Variants in ANKRD62 observed in about 807,000 individuals in gnomAD.
ANKRD62 encodes the protein ankyrin repeat domain-containing protein 62.
A neutral mutation model predicts 98.8 loss-of-function variants in ANKRD62; 61 were observed. The ratio of observed to expected loss-of-function variants is 0.62; its 90% CI spans 0.50 to 0.76. The LOEUF is 0.76. Ranked by LOEUF, ANKRD62 falls within the 30% of genes least tolerant of loss-of-function variation. The probability of loss-of-function intolerance (pLI) is 0.00; values close to 1 mark genes in which losing one functional copy is unlikely to be tolerated. For synonymous variants in ANKRD62, 341 were observed against 367.9 expected (o/e 0.93, Z 0.84); for missense variants, 933 against 1,082.9 (o/e 0.86, Z 1.94).
At chr18:12,167,236 T>C in the ANKRD62 span, among the ~76,000 whole-genome samples, 1 of 151,992 alleles carries the variant, frequency 6.6e-6, no homozygotes. Context: ...GCTGCACCCA[T>C]TAGCTCATCA....
chr18:12,119,933 A>G (rs137952989), intron 10 of ANKRD62, among the ~76,000 whole-genome samples: 1,765 of 152,058 alleles, frequency 0.012, 16 homozygotes, highest in African/African-American at 0.019. Context: ...TTCTTTTTTC[A>G]TCATCTCTTT....
the ANKRD62 span, among the ~76,000 whole-genome samples, chr18:12,164,997 C>T: frequency 1.3e-5 from 2 of 151,910 alleles, no homozygotes; most frequent in Non-Finnish European, 2.9e-5. Context: ...CCATTGTATC[C>T]TCTTGCTGAA....
intron 8 of ANKRD62, among the ~76,000 whole-genome samples, chr18:12,111,761 A>G (rs1486435926): frequency 6.6e-6 from 1 of 152,178 alleles, no homozygotes; most frequent in Non-Finnish European, 1.5e-5. Flanking sequence ...ATAGACCAAC[A>G]ATAGTGAAGA....
intron 8 of ANKRD62, among the ~76,000 whole-genome samples, 172 bp from the exon 9 acceptor site, chr18:12,114,916 C>G (rs1292607201): frequency 6.6e-6 from 1 of 151,392 alleles, no homozygotes; most frequent in Non-Finnish European, 1.5e-5. Context: ...AGTTTTTCCC[C>G]TTGTAAAAAA....
chr18:12,155,255 T>C, the ANKRD62 span, among the ~76,000 whole-genome samples: 2 of 152,258 alleles, frequency 1.3e-5, no homozygotes, highest in Non-Finnish European at 2.9e-5. Flanking sequence ...GAAAACTTAA[T>C]ATAAATTTGT....
At chr18:12,113,423 T>G (rs113307737) in intron 8 of ANKRD62, among the ~76,000 whole-genome samples, 1 of 152,216 alleles carries the variant, frequency 6.6e-6, no homozygotes, top group East Asian at 1.9e-4. Context: ...GTCAGGAGTT[T>G]GAGACCAGCC....
Position 12,125,958 on chromosome 18 carries a change from T to G in ANKRD62, c.2137T>G (p.Ser713Ala). Residue 713 changes from serine (S) to alanine (A), a missense_variant, in exon 13 of 14, where the codon TCC (serine) becomes GCC (alanine). Physicochemically the swap from Ser to Ala is moderately conservative, Grantham distance 99. This residue lies in a region of ANKRD62 where 362 missense variants were observed against 434.5 expected (regional missense o/e 0.83). Coordinates refer to ENST00000587848, the MANE Select transcript of ANKRD62 (RefSeq NM_001277333.2). ...SQQLSKAEST[S>A]SGLETELHYE... Reference sequence around the variant, plus strand: ...GCAACTTTCTAAAGCTGAGAGTACATCCAGTGGCCTGGAAACTGAGCTCCA... The same window carrying G: ...GCAACTTTCTAAAGCTGAGAGTACAGCCAGTGGCCTGGAAACTGAGCTCCA... The G allele has an allele frequency of 6.5e-7, 1 of 1,537,732 alleles. No homozygotes were observed.
intron 8 of ANKRD62, among the ~76,000 whole-genome samples, chr18:12,110,660 A>G (rs990075279): frequency 1.3e-5 from 2 of 151,898 alleles, no homozygotes; most frequent in African/African-American, 2.4e-5. Flanking sequence ...TGTAATTTTC[A>G]CTCTCACCGC....
At chr18:12,135,495 A>G in the ANKRD62 span, among the ~76,000 whole-genome samples, 1 of 151,464 alleles carries the variant, frequency 6.6e-6, no homozygotes, top group Non-Finnish European at 1.5e-5. Flanking sequence ...TAGTGCCGCA[A>G]TAAACATACG....
Position 12,115,455 on chromosome 18 carries a change from C to T in ANKRD62, c.1161C>T (p.Thr387=). Residue 387 remains threonine, a synonymous_variant, in exon 10 of 14, where the codon ACC becomes ACT. Transcript: ENST00000587848. ...ACATAAGTGGGTCATCTGAAAAAAC[C>T]TCAGAGGATGATGAGTTGCCTTACT... ...LNDISGSSEK[T]SEDDELPYSD... is the part of the protein sequence containing the mutation. 2.0e-6 allele frequency: 3 copies of T among 1,536,930 alleles called. No individual in the cohort carries two copies. The highest frequency in any genetic ancestry group is 2.6e-6 in the Non-Finnish European group (3 of 1,146,388).
At chr18:12,100,951 C>T (rs889148195) in intron 6 of ANKRD62, among the ~76,000 whole-genome samples, 4 of 152,094 alleles carry the variant, frequency 2.6e-5, no homozygotes, top group African/African-American at 4.8e-5. Context: ...CAGAACAGAC[C>T]GGGGGCTGCC....
the ANKRD62 span, among the ~76,000 whole-genome samples, chr18:12,155,364 A>G: frequency 6.6e-6 from 1 of 152,246 alleles, no homozygotes; most frequent in Non-Finnish European, 1.5e-5. Context: ...AGGAACTTGC[A>G]GGAGGCCACA....
At chr18:12,103,130 T>G (rs2143901613) in intron 6 of ANKRD62, 28 bp from the exon 7 acceptor site, 2 of 1,346,842 alleles carry the variant, frequency 1.5e-6, no homozygotes, top group South Asian at 2.1e-5. Context: ...GTAGTTCATT[T>G]TAACTAAATA....
intron 10 of ANKRD62, among the ~76,000 whole-genome samples, chr18:12,115,982 G>A (rs917884128): frequency 1.3e-5 from 2 of 152,068 alleles, no homozygotes; most frequent in African/African-American, 4.8e-5. Flanking sequence ...TTGCTATAAG[G>A]TAAAGATGAC....
At position 12,124,734 on chromosome 18, in the gene ANKRD62, G is replaced by A. The variant is rs527410544; in HGVS notation, c.1638+414G>A. 1.4e-3 allele frequency among the ~76,000 whole-genome samples: 209 copies of A among 151,992 alleles called. 1 individual carries two copies. Among genetic ancestry groups the A allele is most frequent in the Middle Eastern group, 6.8e-3 (2 of 294 alleles). ...ATCTTCTTTGAGTTTTGAAAGAAAA[G>A]GTTTCTATTGTATTTGTATATCTAC... On this transcript the variant is annotated intron_variant, in intron 12 of 13. Coordinates refer to ENST00000587848, the MANE Select transcript of ANKRD62 (RefSeq NM_001277333.2).
intron 7 of ANKRD62, among the ~76,000 whole-genome samples, chr18:12,104,315 T>C (rs137996182): frequency 6.6e-6 from 1 of 152,260 alleles, no homozygotes; most frequent in East Asian, 1.9e-4. Context: ...TTAAGAAATT[T>C]AACAGTTAAA....
chr18:12,127,131 A>G (rs935759192), intron 13 of ANKRD62, among the ~76,000 whole-genome samples: 1 of 152,216 alleles, frequency 6.6e-6, no homozygotes, highest in Non-Finnish European at 1.5e-5. Flanking sequence ...ATTTGGATAT[A>G]AGGTTATCCG....
At chr18:12,111,953 TAC>T (rs1390718166) in intron 8 of ANKRD62, among the ~76,000 whole-genome samples, 1 of 151,712 alleles carries the variant, frequency 6.6e-6, no homozygotes, top group East Asian at 1.9e-4. Context: ...CTACTAAAAA[TAC>T]AAAAATTAGC....
chr18:12,163,129 GT>G, the ANKRD62 span, among the ~76,000 whole-genome samples: 1 of 151,990 alleles, frequency 6.6e-6, no homozygotes, highest in Non-Finnish European at 1.5e-5. Flanking sequence ...TAACAACATT[GT>G]CTCTTCCAAT....
Sources: allele counts gnomAD v4.1 joint callset (sites outside exome capture counted in the v4.1 genomes callset), GRCh38; gene constraint gnomAD v4.1.1; regional missense constraint gnomAD v4.1.1; transcripts MANE v1.5; gene names NCBI Gene and HGNC (gene_info 2026-07-23, HGNC 2026-07-21).